SGCD: variants seen among roughly 807,000 people sequenced by gnomAD.
SGCD encodes the protein sarcoglycan delta.
In SGCD, 18 loss-of-function variants were observed where a neutral mutation model predicts 36.6. The ratio of observed to expected loss-of-function variants is 0.49; its 90% CI spans 0.34 to 0.73. SGCD has a LOEUF of 0.73. SGCD is among the 30% of genes least tolerant of loss of function. The pLI is 0.01. For synonymous variants in SGCD, 133 were observed against 130.6 expected (o/e 1.02, Z -0.12); for missense variants, 387 against 346.7 (o/e 1.12, Z -0.92).
At chr5:156,217,620 A>G (rs1218064392) in intron 3 of SGCD, among the ~76,000 whole-genome samples, 1 of 152,174 alleles carries the variant, frequency 6.6e-6, no homozygotes, top group African/African-American at 2.4e-5. Context: ...TTTAGGTAAA[A>G]TGCTGAGAAT....
intron 3 of SGCD, among the ~76,000 whole-genome samples, chr5:156,129,989 C>A (rs1177915633): frequency 2.0e-5 from 3 of 152,100 alleles, no homozygotes; most frequent in Admixed American, 6.6e-5. Context: ...TATTTATATT[C>A]CTCTAGGTAT....
At chr5:156,474,419 C>T (rs182495462) in intron 3 of SGCD, among the ~76,000 whole-genome samples, 24 of 152,294 alleles carry the variant, frequency 1.6e-4, no homozygotes, top group South Asian at 4.1e-4. Context: ...TGGCTGCTGA[C>T]GCTCCTTTCC....
the SGCD span, among the ~76,000 whole-genome samples, chr5:155,840,195 C>G: frequency 1.3e-5 from 2 of 151,284 alleles, no homozygotes; most frequent in Non-Finnish European, 2.9e-5. Context: ...TCAGTTGGCT[C>G]CTGTGTCCCT....
At chr5:156,286,022 C>T (rs1417763178) in intron 3 of SGCD, among the ~76,000 whole-genome samples, 5 of 152,140 alleles carry the variant, frequency 3.3e-5, no homozygotes, top group Non-Finnish European at 7.3e-5. Flanking sequence ...AGGATATGAA[C>T]AGACACTTCT....
At chr5:156,743,666 G>A (rs1005223392) in intron 7 of SGCD, among the ~76,000 whole-genome samples, 1 of 152,170 alleles carries the variant, frequency 6.6e-6, no homozygotes, top group Non-Finnish European at 1.5e-5. Context: ...TTTTGCTCTA[G>A]AGGACATATC....
At chr5:156,176,395 T>A (rs1473163913) in intron 3 of SGCD, among the ~76,000 whole-genome samples, 2 of 152,206 alleles carry the variant, frequency 1.3e-5, no homozygotes, top group Non-Finnish European at 2.9e-5. Flanking sequence ...GGAATATCTC[T>A]AAGGAAAACC....
chr5:155,774,252 T>C, the SGCD span, among the ~76,000 whole-genome samples: 3 of 152,150 alleles, frequency 2.0e-5, no homozygotes, highest in Non-Finnish European at 4.4e-5. Context: ...AAAGCATTTT[T>C]CACAATTTTC....
At position 156,440,098 on chromosome 5, in the gene SGCD, C is replaced by T. The variant is rs139620018; in HGVS notation, c.193-68503C>T. Among the ~76,000 whole-genome samples the T allele has an allele frequency of 1.4e-4, 21 of 152,144 alleles. No homozygotes were observed. In the East Asian group the frequency reaches 3.3e-3, roughly 24 times the overall value. On this transcript the variant is annotated intron_variant, in intron 3 of 8. Transcript: ENST00000337851. The stretch of plus-strand genomic sequence containing the variant: ...TAATTCTAAAGCACTTTCATCATCC[C>T]GAAAGAAAACCCCATGCCCACTTAA...
At chr5:155,729,468 G>C in the SGCD span, among the ~76,000 whole-genome samples, 1 of 152,248 alleles carries the variant, frequency 6.6e-6, no homozygotes, top group Non-Finnish European at 1.5e-5. Flanking sequence ...ATGGGTGGGG[G>C]CACCAGGAAA....
the SGCD span, among the ~76,000 whole-genome samples, chr5:155,766,820 G>C: frequency 6.6e-6 from 1 of 152,100 alleles, no homozygotes; most frequent in African/African-American, 2.4e-5. Flanking sequence ...ATTGTCCAGG[G>C]TCACAGAACA....
At chr5:156,335,910 C>T (rs566506795) in intron 2 of SGCD, among the ~76,000 whole-genome samples, 6 of 152,308 alleles carry the variant, frequency 3.9e-5, no homozygotes, top group South Asian at 2.1e-4. Flanking sequence ...TTGCAGTAGT[C>T]GCGGGCACCT....
rs146845742 is a variant in SGCD, at chr5:155,964,070, C to T, written c.-282+93646C>T. On this transcript the variant is annotated intron_variant, in intron 1 of 9. Transcript: ENST00000517913. ...TATTGCTATAGCTAGAAAACATATGCGTATATTCTAGATCTGTTTTGCTTT... is the reference window on the plus strand; with the variant it reads ...TATTGCTATAGCTAGAAAACATATGTGTATATTCTAGATCTGTTTTGCTTT... 4.2e-3 allele frequency among the ~76,000 whole-genome samples: 635 copies of T among 152,152 alleles called. 6 individuals are homozygous for T. The highest frequency in any genetic ancestry group is 0.014 in the African/African-American group (588 of 41,534).
intron 5 of SGCD, among the ~76,000 whole-genome samples, chr5:156,590,095 T>C (rs773157972): frequency 6.6e-6 from 1 of 152,224 alleles, no homozygotes; most frequent in East Asian, 1.9e-4. Flanking sequence ...GGCATTGTTA[T>C]ACTTACAGAC....
chr5:156,378,169 A>G (rs1040950523), intron 3 of SGCD, among the ~76,000 whole-genome samples: 1 of 152,200 alleles, frequency 6.6e-6, no homozygotes, highest in African/African-American at 2.4e-5. Flanking sequence ...ATTCAGCCTT[A>G]AAAAGTAAAT....
chr5:156,570,189 TAA>T (rs1477940889), intron 4 of SGCD, among the ~76,000 whole-genome samples: 1 of 152,190 alleles, frequency 6.6e-6, no homozygotes, highest in Non-Finnish European at 1.5e-5. Context: ...TTAATGGCAC[TAA>T]AGTCAGAAAA....
chr5:155,769,281 T>C, the SGCD span, among the ~76,000 whole-genome samples: 10 of 151,900 alleles, frequency 6.6e-5, no homozygotes, highest in Admixed American at 6.6e-4. Context: ...GTGGAGAAGG[T>C]GGTATGTGAA....
intron 7 of SGCD, among the ~76,000 whole-genome samples, chr5:156,667,832 A>C (rs1228494263): frequency 6.6e-6 from 1 of 152,220 alleles, no homozygotes; most frequent in Non-Finnish European, 1.5e-5. Flanking sequence ...AAGAACTCAG[A>C]CAGGAATTCT....
chr5:156,348,296 G>A (rs1024783518), intron 3 of SGCD, among the ~76,000 whole-genome samples: 1 of 152,082 alleles, frequency 6.6e-6, no homozygotes, highest in Non-Finnish European at 1.5e-5. Flanking sequence ...CATCCAAATT[G>A]GGAAAGAGGA....
intron 3 of SGCD, among the ~76,000 whole-genome samples, chr5:156,355,960 A>G (rs1021423647): frequency 2.0e-5 from 3 of 152,196 alleles, no homozygotes; most frequent in Non-Finnish European, 2.9e-5. Flanking sequence ...AAAGATGGAC[A>G]TCTTTTTTCT....
Sources: gnomAD v4.1 joint callset for allele counts (sites outside exome capture counted in the v4.1 genomes callset) on GRCh38, gnomAD v4.1.1 for gene constraint, MANE v1.5 for transcripts, NCBI Gene and HGNC (gene_info 2026-07-23, HGNC 2026-07-21) for gene names.